ANKS1B: variants seen among roughly 807,000 people sequenced by gnomAD.
ANKS1B encodes ankyrin repeat and sterile alpha motif domain containing 1B, also known as ankyrin repeat and sterile alpha motif domain-containing protein 1B.
In ANKS1B, 36 loss-of-function variants were observed where a neutral mutation model predicts 148.3. The ratio of observed to expected loss-of-function variants is 0.24; its 90% CI spans 0.19 to 0.32. The LOEUF is 0.32. ANKS1B is among the 10% of genes least tolerant of loss of function. The pLI, the probability that ANKS1B is intolerant of heterozygous loss-of-function variation, is 1.00. For synonymous variants in ANKS1B, 542 were observed against 560.8 expected (o/e 0.97, Z 0.47); for missense variants, 1,157 against 1,542.6 (o/e 0.75, Z 4.19).
intron 12 of ANKS1B, among the ~76,000 whole-genome samples, chr12:99,327,552 T>C (rs763156683): frequency 1.7e-4 from 25 of 146,396 alleles, no homozygotes; most frequent in Non-Finnish European, 3.3e-4. Flanking sequence ...TTGAAATTGC[T>C]TGCTGATGTA....
At chr12:99,592,380 C>T (rs2097711519) in intron 9 of ANKS1B, among the ~76,000 whole-genome samples, 2 of 151,372 alleles carry the variant, frequency 1.3e-5, no homozygotes, top group African/African-American at 4.9e-5. Flanking sequence ...AGGAAACTGA[C>T]CATTAGGTCA....
intron 8 of ANKS1B, among the ~76,000 whole-genome samples, chr12:99,732,880 A>G (rs1388846542): frequency 1.3e-5 from 2 of 152,198 alleles, no homozygotes; most frequent in African/African-American, 4.8e-5. Flanking sequence ...ATTATGTTAG[A>G]TATCAAGTGA....
chr12:99,628,808 T>C (rs1229081341), intron 9 of ANKS1B, among the ~76,000 whole-genome samples: 4 of 152,136 alleles, frequency 2.6e-5, no homozygotes, highest in Admixed American at 6.6e-5. Context: ...TTACTTTGTA[T>C]CAGGAATCCA....
At chr12:99,198,002 T>C (rs1469679594) in intron 14 of ANKS1B, among the ~76,000 whole-genome samples, 3 of 152,086 alleles carry the variant, frequency 2.0e-5, no homozygotes, top group Non-Finnish European at 4.4e-5. Flanking sequence ...ACATCTATCT[T>C]CCACACTGAT....
chr12:99,804,831 A>C (rs921000560), intron 4 of ANKS1B, among the ~76,000 whole-genome samples: 2 of 152,174 alleles, frequency 1.3e-5, no homozygotes, highest in South Asian at 4.1e-4. Context: ...TTCCAAGCCT[A>C]GGCCTCAAGA....
intron 12 of ANKS1B, among the ~76,000 whole-genome samples, chr12:99,342,760 A>G (rs1457944641): frequency 1.3e-5 from 2 of 152,076 alleles, no homozygotes; most frequent in African/African-American, 4.8e-5. Context: ...TTTGTCTAAC[A>G]CCTAAAAGTA....
intron 1 of ANKS1B, among the ~76,000 whole-genome samples, chr12:99,921,663 G>A (rs2094356577): frequency 6.6e-6 from 1 of 151,830 alleles, no homozygotes; most frequent in Non-Finnish European, 1.5e-5. Context: ...CAAAATTAAT[G>A]AACAGAAAAA....
chr12:98,934,532 C>T (rs1162207954), intron 17 of ANKS1B, among the ~76,000 whole-genome samples: 1 of 152,080 alleles, frequency 6.6e-6, no homozygotes, highest in Non-Finnish European at 1.5e-5. Flanking sequence ...ATAGGAATTG[C>T]ATTTAATCTG....
chr12:99,524,140 A>T (rs1725177726), intron 9 of ANKS1B, among the ~76,000 whole-genome samples: 1 of 152,210 alleles, frequency 6.6e-6, no homozygotes, highest in African/African-American at 2.4e-5. Flanking sequence ...ATCTTCCCAC[A>T]ATATCAAGAA....
At chr12:99,307,428 G>C (rs2082511955) in intron 12 of ANKS1B, among the ~76,000 whole-genome samples, 1 of 152,044 alleles carries the variant, frequency 6.6e-6, no homozygotes, top group African/African-American at 2.4e-5. Context: ...GAGAGTGGGT[G>C]AAACTCTCCC....
At position 99,241,454 on chromosome 12, in the gene ANKS1B, A is replaced by T. The variant is rs183281063; in HGVS notation, c.2419+2888T>A. 5.8e-4 allele frequency among the ~76,000 whole-genome samples: 88 copies of T among 152,354 alleles called. 1 individual carries two copies. In the East Asian group the frequency reaches 0.014, roughly 25 times the overall value. Reference sequence around the variant, plus strand: ...CCAGGACAAGACAAATTCACAGCCGAGTTCTACCAGAGGTACAAAGAGGAA... The same window carrying T: ...CCAGGACAAGACAAATTCACAGCCGTGTTCTACCAGAGGTACAAAGAGGAA... On this transcript the variant is annotated intron_variant, in intron 14 of 26. Transcript: ENST00000683438.
chr12:99,017,135 C>A (rs1039197270), intron 17 of ANKS1B, among the ~76,000 whole-genome samples: 1 of 152,162 alleles, frequency 6.6e-6, no homozygotes, highest in Admixed American at 6.5e-5. Context: ...ACTGCCTTTG[C>A]AAAATTATTA....
chr12:98,846,820 C>T (rs867272373), intron 17 of ANKS1B, among the ~76,000 whole-genome samples: 7 of 152,142 alleles, frequency 4.6e-5, no homozygotes, highest in South Asian at 4.1e-4. Flanking sequence ...GAACAATTAA[C>T]GGCAACAGAA....
intron 12 of ANKS1B, among the ~76,000 whole-genome samples, chr12:99,307,456 C>A (rs2082515712): frequency 6.6e-6 from 1 of 151,888 alleles, no homozygotes; most frequent in South Asian, 2.1e-4. Context: ...TGAGTTCAAA[C>A]TATATATAAA....
intron 11 of ANKS1B, among the ~76,000 whole-genome samples, chr12:99,409,265 C>T (rs2094609878): frequency 6.6e-6 from 1 of 152,102 alleles, no homozygotes; most frequent in Non-Finnish European, 1.5e-5. Context: ...ACAAACATTG[C>T]ATGTTCTCAT....
intron 8 of ANKS1B, among the ~76,000 whole-genome samples, chr12:99,738,276 T>C (rs572063161): frequency 1.3e-5 from 2 of 152,286 alleles, no homozygotes; most frequent in Non-Finnish European, 2.9e-5. Context: ...CTTATTTTAT[T>C]ATTTCCAAAC....
At chr12:98,964,928 C>G (rs145889591) in intron 17 of ANKS1B, among the ~76,000 whole-genome samples, 1,846 of 151,984 alleles carry the variant, frequency 0.012, 43 homozygotes, top group African/African-American at 0.042. Flanking sequence ...AACAGGTTAA[C>G]TATAGTCAAC....
intron 16 of ANKS1B, 27 bp downstream of exon 16, chr12:99,084,898 G>A (rs372936614): frequency 1.4e-4 from 220 of 1,558,422 alleles, no homozygotes; most frequent in Non-Finnish European, 1.8e-4. Flanking sequence ...CCGTACACAG[G>A]ACTAGGGCAA....
At chr12:98,739,274 C>T (rs991621474), downstream of ANKS1B, among the ~76,000 whole-genome samples, 4 of 152,228 alleles carry the variant, frequency 2.6e-5, no homozygotes, top group African/African-American at 9.6e-5. Flanking sequence ...TGCATCACTA[C>T]TAAGCTCTCG....
Sources: gnomAD v4.1 joint callset for allele counts (sites outside exome capture counted in the v4.1 genomes callset) on GRCh38, gnomAD v4.1.1 for gene constraint, MANE v1.5 for transcripts, NCBI Gene and HGNC (gene_info 2026-07-23, HGNC 2026-07-21) for gene names.